POC5: variants seen among roughly 807,000 people sequenced by gnomAD.
POC5 encodes POC5 centriolar protein.
A neutral mutation model predicts 62.9 loss-of-function variants in POC5; 48 were observed. The observed-to-expected ratio is 0.76, with a 90% CI of 0.61 to 0.97. The LOEUF is 0.97. Ranked by LOEUF, POC5 falls within the 50% of genes least tolerant of loss-of-function variation. POC5 has a pLI of 0.00. For synonymous variants in POC5, 236 were observed against 228.2 expected (o/e 1.03, Z -0.31); for missense variants, 696 against 679.5 (o/e 1.02, Z -0.27).
intron 1 of POC5, among the ~76,000 whole-genome samples, chr5:75,716,522 C>T (rs1308232414): frequency 6.6e-6 from 1 of 152,042 alleles, no homozygotes; most frequent in Non-Finnish European, 1.5e-5. Flanking sequence ...TTCCATCTGC[C>T]CTGCTTTATG....
At chr5:75,703,796 C>T (rs1477001016) in intron 4 of POC5, among the ~76,000 whole-genome samples, 1 of 151,964 alleles carries the variant, frequency 6.6e-6, no homozygotes, top group Non-Finnish European at 1.5e-5. Flanking sequence ...ACGCTCATCC[C>T]CTGCCCATAT....
At chr5:75,706,329 C>A (rs1046652828) in intron 3 of POC5, among the ~76,000 whole-genome samples, 2 of 152,078 alleles carry the variant, frequency 1.3e-5, no homozygotes, top group South Asian at 4.1e-4. Flanking sequence ...ACTGAGATAC[C>A]AAGAATAAAG....
chr5:75,677,697 G>A, intron 11 of POC5, 77 bp downstream of exon 11: 1 of 1,173,606 alleles, frequency 8.5e-7, no homozygotes, highest in Non-Finnish European at 1.1e-6. Flanking sequence ...TTCTCAACAT[G>A]TTATGTAAGT....
At chr5:75,686,307 T>C (rs1240897739) in intron 9 of POC5, among the ~76,000 whole-genome samples, 1 of 152,212 alleles carries the variant, frequency 6.6e-6, no homozygotes, top group South Asian at 2.1e-4. Flanking sequence ...GGTTTAGAAA[T>C]TCAGTCAATG....
intron 2 of POC5, among the ~76,000 whole-genome samples, chr5:75,710,471 G>A (rs1176694390): frequency 6.6e-6 from 1 of 152,098 alleles, no homozygotes; most frequent in East Asian, 1.9e-4. Flanking sequence ...GGCCCTGAGA[G>A]CATTAATGTA....
chr5:75,695,227 G>C (rs955917125), intron 5 of POC5, among the ~76,000 whole-genome samples: 1 of 152,088 alleles, frequency 6.6e-6, no homozygotes, highest in African/African-American at 2.4e-5. Context: ...TTTAGAAATG[G>C]GTGATAGTGG....
Position 75,692,346 on chromosome 5 carries a change from T to C in POC5, c.795+50A>G, listed in dbSNP as rs747794434. Reference sequence around the variant, plus strand: ...TATAATAAGTGATCCTGAGCACTTCTGAATTCAGAAGTCTAACATCCATCA... The same window carrying C: ...TATAATAAGTGATCCTGAGCACTTCCGAATTCAGAAGTCTAACATCCATCA... On this transcript the variant is annotated intron_variant, in intron 7 of 11. Transcript: ENST00000428202. 4 of 1,333,060 alleles carry C rather than the reference T, an allele frequency of 3.0e-6. No homozygotes were observed. In the Admixed American group the frequency reaches 6.7e-5, roughly 22 times the overall value. 82.6% of individuals were successfully genotyped at this position (1,333,060 alleles called of 1,614,324 possible). A position where few individuals can be genotyped will look rare whatever the true frequency, so the allele number is the denominator to read the frequency against.
At chr5:75,715,470 AGTAT>A (rs1777519621) in intron 1 of POC5, among the ~76,000 whole-genome samples, 1 of 150,542 alleles carries the variant, frequency 6.6e-6, no homozygotes, top group African/African-American at 2.4e-5. Context: ...CAGGTGAGAC[AGTAT>A]GTGAGAGAGT....
At position 75,674,597 on chromosome 5, in the gene POC5, G is replaced by C. The variant is rs569757948; in HGVS notation, c.1585-19C>G. On this transcript the variant is annotated intron_variant, in intron 11 of 11. Coordinates refer to ENST00000428202, the MANE Select transcript of POC5 (RefSeq NM_001099271.2). Reference sequence around the variant, plus strand: ...TGGTTTGCTGAAAAGACAAAATTCTGCTTTAATAATATCCCAAGATTATGT... The same window carrying C: ...TGGTTTGCTGAAAAGACAAAATTCTCCTTTAATAATATCCCAAGATTATGT... The C allele has an allele frequency of 6.2e-7, 1 of 1,612,140 alleles. No homozygotes were observed. The highest frequency in any genetic ancestry group is 2.2e-5 in the East Asian group (1 of 44,850).
At chr5:75,675,392 G>C (rs965264697) in intron 11 of POC5, among the ~76,000 whole-genome samples, 1 of 152,048 alleles carries the variant, frequency 6.6e-6, no homozygotes, top group Non-Finnish European at 1.5e-5. Context: ...ATTTCTATTA[G>C]GGTCTTCCAC....
intron 5 of POC5, chr5:75,696,150 T>G (rs1776572483): frequency 6.3e-6 from 1 of 159,748 alleles, no homozygotes; most frequent in African/African-American, 2.4e-5. Flanking sequence ...GCACCCGCCA[T>G]TGCCCAGGCT....
chr5:75,712,830 G>T (rs1315407105), intron 2 of POC5, 24 bp downstream of exon 2: 12 of 1,547,716 alleles, frequency 7.8e-6, no homozygotes, highest in Non-Finnish European at 1.1e-5. Flanking sequence ...AAAAGTCATG[G>T]TAAATTTAGA....
At chr5:75,689,589 C>T in intron 8 of POC5, 3 of 983,904 alleles carry the variant, frequency 3.0e-6, no homozygotes, top group Non-Finnish European at 3.6e-6. Flanking sequence ...ATGTTACCTT[C>T]AGTATTTGAA....
intron 9 of POC5, among the ~76,000 whole-genome samples, chr5:75,687,022 G>A (rs1171118729): frequency 6.7e-6 from 1 of 149,444 alleles, no homozygotes; most frequent in Non-Finnish European, 1.5e-5. Flanking sequence ...ATTAAAAACT[G>A]CATTATAAAA....
At chr5:75,716,865 T>C (rs1370936272) in intron 1 of POC5, among the ~76,000 whole-genome samples, 1 of 152,044 alleles carries the variant, frequency 6.6e-6, no homozygotes, top group Non-Finnish European at 1.5e-5. Flanking sequence ...CGCCTGTGCC[T>C]TTCACCAGGC....
chr5:75,683,564 C>T (rs1014561651), intron 10 of POC5, among the ~76,000 whole-genome samples: 1 of 152,014 alleles, frequency 6.6e-6, no homozygotes, highest in Non-Finnish European at 1.5e-5. Context: ...TCACTGCTAG[C>T]TCTGCACAGG....
chr5:75,680,161 T>C (rs1045623723), intron 10 of POC5, among the ~76,000 whole-genome samples: 1 of 152,204 alleles, frequency 6.6e-6, no homozygotes, highest in African/African-American at 2.4e-5. Context: ...TTAAATGCTA[T>C]TTCAAAATAG....
At chr5:75,682,109 G>C (rs1396265478) in intron 10 of POC5, among the ~76,000 whole-genome samples, 1 of 152,212 alleles carries the variant, frequency 6.6e-6, no homozygotes, top group Non-Finnish European at 1.5e-5. Flanking sequence ...TTTTGAAGAA[G>C]TGGATATAGT....
intron 11 of POC5, 123 bp downstream of exon 11, chr5:75,677,651 A>T: frequency 1.5e-6 from 1 of 658,620 alleles, no homozygotes; most frequent in Non-Finnish European, 2.2e-6. Flanking sequence ...TAACAGGAAA[A>T]GGCAGAACAA....
Sources: gnomAD v4.1 joint callset for allele counts (sites outside exome capture counted in the v4.1 genomes callset) on GRCh38, gnomAD v4.1.1 for gene constraint, MANE v1.5 for transcripts, NCBI Gene and HGNC (gene_info 2026-07-23, HGNC 2026-07-21) for gene names.